Variants in SWT1 observed in about 807,000 individuals in gnomAD.
SWT1 encodes the protein SWT1 RNA endoribonuclease homolog.
SWT1 carries 33 observed loss-of-function variants against 107.3 expected under a neutral mutation model. The observed-to-expected ratio is 0.31, with a 90% CI of 0.23 to 0.41. SWT1 has a LOEUF of 0.41. SWT1 is among the 10% of genes least tolerant of loss of function. The probability of loss-of-function intolerance (pLI) is 1.00; values close to 1 mark genes in which losing one functional copy is unlikely to be tolerated. For synonymous variants in SWT1, 345 were observed against 348.3 expected (o/e 0.99, Z 0.11); for missense variants, 898 against 1,028.9 (o/e 0.87, Z 1.74).
intron 16 of SWT1, among the ~76,000 whole-genome samples, chr1:185,242,479 A>G (rs1341263521): frequency 2.0e-5 from 3 of 152,150 alleles, no homozygotes; most frequent in Non-Finnish European, 4.4e-5. Context: ...TAAAGACCTT[A>G]TATTTACCTT....
intron 5 of SWT1, among the ~76,000 whole-genome samples, chr1:185,178,721 ATC>A (rs1655779440): frequency 6.6e-6 from 1 of 152,144 alleles, no homozygotes; most frequent in South Asian, 2.1e-4. Flanking sequence ...TCTGTTAATA[ATC>A]TCTGGCTTGT....
chr1:185,165,579 C>G (rs1654499719), intron 2 of SWT1, among the ~76,000 whole-genome samples: 1 of 152,200 alleles, frequency 6.6e-6, no homozygotes, highest in Admixed American at 6.5e-5. Context: ...GTTCTCAACA[C>G]ACTAGCTAAT....
intron 13 of SWT1, among the ~76,000 whole-genome samples, chr1:185,208,499 G>A (rs1399853512): frequency 1.3e-5 from 2 of 152,144 alleles, no homozygotes; most frequent in Non-Finnish European, 2.9e-5. Context: ...ATAGCTGTAA[G>A]AGAATATTCC....
intron 11 of SWT1, 126 bp downstream of exon 11, chr1:185,202,925 C>G (rs1658002510): frequency 4.2e-6 from 2 of 478,504 alleles, no homozygotes; most frequent in Non-Finnish European, 6.9e-6. Flanking sequence ...GGAATACTTG[C>G]TGGCATGTAA....
chr1:185,276,777 T>C, intron 18 of SWT1, 109 bp downstream of exon 18: 1 of 499,020 alleles, frequency 2.0e-6, no homozygotes, highest in Non-Finnish European at 3.6e-6. Flanking sequence ...GTCTTTTCAC[T>C]ACACTGTTTT....
At chr1:185,256,679 C>T (rs1662558443) in intron 16 of SWT1, among the ~76,000 whole-genome samples, 1 of 149,730 alleles carries the variant, frequency 6.7e-6, no homozygotes, top group Admixed American at 6.6e-5. Flanking sequence ...GTTATACATT[C>T]TTTTAAATTT....
intron 18 of SWT1, among the ~76,000 whole-genome samples, chr1:185,288,260 T>TGC (rs1665059438): frequency 6.6e-6 from 1 of 152,100 alleles, no homozygotes; most frequent in Non-Finnish European, 1.5e-5. Context: ...TATTATTATT[T>TGC]TTAGGGAGCA....
At chr1:185,272,020 C>T (rs1227841735) in intron 17 of SWT1, among the ~76,000 whole-genome samples, 1 of 152,212 alleles carries the variant, frequency 6.6e-6, no homozygotes, top group East Asian at 1.9e-4. Context: ...CATCCCTATA[C>T]ATCAGGTACT....
intron 5 of SWT1, chr1:185,177,135 GTT>G: frequency 1.4e-6 from 1 of 725,950 alleles, no homozygotes; most frequent in Non-Finnish European, 1.7e-6. Flanking sequence ...CAAGAATTGA[GTT>G]TGAATTGAGT....
At chr1:185,177,088 T>G (rs984642719) in intron 5 of SWT1, 1 of 976,746 alleles carries the variant, frequency 1.0e-6, no homozygotes, top group Admixed American at 6.2e-5. Context: ...GAATTAGTAT[T>G]TTTAGTTTAA....
intron 16 of SWT1, among the ~76,000 whole-genome samples, chr1:185,256,975 C>G (rs1329642366): frequency 6.6e-6 from 1 of 152,150 alleles, no homozygotes; most frequent in Admixed American, 6.5e-5. Context: ...GCTGTCCTTT[C>G]TGCTTGTTAG....
At chr1:185,205,279 T>G (rs1309262525) in intron 12 of SWT1, among the ~76,000 whole-genome samples, 2 of 152,220 alleles carry the variant, frequency 1.3e-5, no homozygotes, top group Non-Finnish European at 2.9e-5. Context: ...TTGATTGTAT[T>G]AGTAAGATAT....
At chr1:185,274,750 T>C (rs1182733289) in intron 17 of SWT1, among the ~76,000 whole-genome samples, 7 of 152,244 alleles carry the variant, frequency 4.6e-5, no homozygotes, top group African/African-American at 1.7e-4. Flanking sequence ...TGGCATGTTT[T>C]AGCTATTTTT....
At chr1:185,193,217 T>C (rs1036341058) in intron 10 of SWT1, among the ~76,000 whole-genome samples, 2 of 152,196 alleles carry the variant, frequency 1.3e-5, no homozygotes, top group African/African-American at 4.8e-5. Context: ...TTTTGTTTTT[T>C]TTACTGAATT....
At chr1:185,191,450 G>A (rs1377945894) in intron 10 of SWT1, among the ~76,000 whole-genome samples, 1 of 151,966 alleles carries the variant, frequency 6.6e-6, no homozygotes, top group Non-Finnish European at 1.5e-5. Flanking sequence ...TTTATTCACT[G>A]CAAAATGGAG....
chr1:185,187,684 A>AT (rs904713317), intron 9 of SWT1, among the ~76,000 whole-genome samples: 5 of 151,412 alleles, frequency 3.3e-5, no homozygotes, highest in Non-Finnish European at 5.9e-5. Context: ...ATCTTTTTAA[A>AT]TTTTTTTTTA....
intron 2 of SWT1, among the ~76,000 whole-genome samples, chr1:185,163,677 A>C (rs1571385758): frequency 6.6e-6 from 1 of 152,312 alleles, no homozygotes. Flanking sequence ...TACAGGCGTG[A>C]GCCACCGCAC....
chr1:185,186,847 C>T (rs976776594), intron 9 of SWT1, among the ~76,000 whole-genome samples: 3 of 148,084 alleles, frequency 2.0e-5, no homozygotes, highest in African/African-American at 7.5e-5. Context: ...CTCCACCTCC[C>T]GGGTTCAAGT....
At chr1:185,249,846 C>G (rs1372109789) in intron 16 of SWT1, among the ~76,000 whole-genome samples, 2 of 152,178 alleles carry the variant, frequency 1.3e-5, no homozygotes, top group African/African-American at 4.8e-5. Flanking sequence ...ATTTACTTTT[C>G]CATAAGAAAA....
Sources: allele counts gnomAD v4.1 joint callset (sites outside exome capture counted in the v4.1 genomes callset), GRCh38; gene constraint gnomAD v4.1.1; transcripts MANE v1.5; gene names NCBI Gene and HGNC (gene_info 2026-07-23, HGNC 2026-07-21).